Variants in HOMER2 observed in about 807,000 individuals in gnomAD.
HOMER2 encodes the protein homer scaffold protein 2.
Under a neutral mutation model 47.0 loss-of-function variants are expected in HOMER2, and 27 were observed. The ratio of observed to expected loss-of-function variants is 0.57; its 90% CI spans 0.42 to 0.79. The LOEUF (loss-of-function observed/expected upper bound fraction) is 0.79. HOMER2 is among the 30% of genes least tolerant of loss of function. The pLI is 0.00. For synonymous variants in HOMER2, 161 were observed against 163.8 expected (o/e 0.98, Z 0.13); for missense variants, 443 against 435.0 (o/e 1.02, Z -0.16).
At chr15:82,942,050 G>C (rs1214397103) in intron 1 of HOMER2, among the ~76,000 whole-genome samples, 4 of 152,148 alleles carry the variant, frequency 2.6e-5, no homozygotes, top group African/African-American at 9.7e-5. Context: ...TAAATGCCCT[G>C]TTCCTCATTT....
chr15:82,872,763 C>T (rs1362582578), intron 3 of HOMER2, among the ~76,000 whole-genome samples: 2 of 152,232 alleles, frequency 1.3e-5, no homozygotes, highest in Admixed American at 6.5e-5. Flanking sequence ...AAACCCCGAA[C>T]ATCTCATGGT....
At chr15:82,916,193 T>C (rs533947438) in intron 1 of HOMER2, among the ~76,000 whole-genome samples, 2 of 152,242 alleles carry the variant, frequency 1.3e-5, no homozygotes, top group East Asian at 3.9e-4. Flanking sequence ...ATTCCAAAAA[T>C]ATTCAGCCAA....
intron 1 of HOMER2, among the ~76,000 whole-genome samples, chr15:82,974,015 T>G (rs1027292555): frequency 6.6e-6 from 1 of 151,182 alleles, no homozygotes; most frequent in Admixed American, 6.6e-5. Flanking sequence ...CGAGGGTCAC[T>G]TGAACCCAGG....
At chr15:82,942,603 G>C (rs2054288508) in intron 1 of HOMER2, among the ~76,000 whole-genome samples, 1 of 152,194 alleles carries the variant, frequency 6.6e-6, no homozygotes, top group Admixed American at 6.5e-5. Flanking sequence ...ACTGCTGAAT[G>C]AATGAGCGAA....
chr15:82,875,916 G>A (rs969450836), intron 2 of HOMER2, among the ~76,000 whole-genome samples: 2 of 152,192 alleles, frequency 1.3e-5, no homozygotes, highest in African/African-American at 4.8e-5. Flanking sequence ...TTTGTGGAGG[G>A]TTAATTGACA....
At chr15:82,951,441 G>A (rs1434180750) in intron 1 of HOMER2, among the ~76,000 whole-genome samples, 1 of 152,170 alleles carries the variant, frequency 6.6e-6, no homozygotes. Flanking sequence ...CACTGACCCA[G>A]GGGGGCTGAG....
intron 4 of HOMER2, among the ~76,000 whole-genome samples, chr15:82,860,949 T>G (rs369651446): frequency 1.3e-3 from 90 of 71,116 alleles, no homozygotes; most frequent in Middle Eastern, 5.3e-3. Context: ...AGATAGAAGA[T>G]AGAAGATGAG....
At chr15:82,881,610 G>A (rs1422348745) in intron 2 of HOMER2, among the ~76,000 whole-genome samples, 2 of 152,200 alleles carry the variant, frequency 1.3e-5, no homozygotes, top group African/African-American at 4.8e-5. Context: ...TTAACAGAAG[G>A]TGCTCTGTAT....
At chr15:82,969,653 C>G (rs543411870) in intron 1 of HOMER2, among the ~76,000 whole-genome samples, 1 of 152,054 alleles carries the variant, frequency 6.6e-6, no homozygotes, top group South Asian at 2.1e-4. Flanking sequence ...CTTAAAGAGA[C>G]GAAGAGACAT....
At chr15:82,979,153 G>A (rs1321206230) in intron 1 of HOMER2, among the ~76,000 whole-genome samples, 13 of 152,274 alleles carry the variant, frequency 8.5e-5, no homozygotes, top group African/African-American at 2.2e-4. Context: ...CTCCCCAGCC[G>A]TGCTGCACTG....
At position 82,855,786 on chromosome 15, in the gene HOMER2, T is replaced by G. The variant is rs1023729504; in HGVS notation, c.495-986A>C. On this transcript the variant is annotated intron_variant, in intron 5 of 8. Transcript: ENST00000450735. ...GCTGTCACCACAAAGGCCTCATGTT[T>G]CATCTGATTCTACATGCTTGGTGAG... Among the ~76,000 whole-genome samples, 3 of 152,222 alleles carry G rather than the reference T, an allele frequency of 2.0e-5. No individual in the cohort carries two copies. In the East Asian group the frequency reaches 5.8e-4, roughly 29 times the overall value.
intron 1 of HOMER2, among the ~76,000 whole-genome samples, chr15:82,971,984 T>G (rs2030005417): frequency 6.6e-6 from 1 of 152,214 alleles, no homozygotes; most frequent in Non-Finnish European, 1.5e-5. Flanking sequence ...TTCAACCAAG[T>G]GCTTCAAGGT....
upstream of HOMER2, chr15:82,985,972 CA>C (rs1215900124): frequency 4.5e-6 from 3 of 668,452 alleles, no homozygotes; most frequent in Non-Finnish European, 5.6e-6. Flanking sequence ...CACCTGCTCC[CA>C]ATCAAAGGAG....
chr15:82,986,017 C>T (rs1567083182), upstream of HOMER2: 3 of 976,326 alleles, frequency 3.1e-6, no homozygotes, highest in Non-Finnish European at 2.4e-6. Flanking sequence ...ACTGCCCAGC[C>T]ACCAGGCAGG....
At chr15:82,876,591 A>G (rs1465025619) in intron 2 of HOMER2, among the ~76,000 whole-genome samples, 1 of 152,252 alleles carries the variant, frequency 6.6e-6, no homozygotes, top group Non-Finnish European at 1.5e-5. Flanking sequence ...ATGTAAGGGC[A>G]GGGTAGCAAT....
Position 82,849,502 on chromosome 15 carries a change from G to C in HOMER2, c.*213C>G. 1.8e-6 allele frequency: 1 copy of C among 566,856 alleles called. No homozygotes were observed. Among genetic ancestry groups the C allele is most frequent in the African/African-American group, 1.9e-5 (1 of 53,576 alleles). 35.1% of individuals were successfully genotyped at this position (566,856 alleles called of 1,614,324 possible). On this transcript the variant is annotated 3_prime_UTR_variant, in exon 9 of 9. Transcript: ENST00000450735. The stretch of plus-strand genomic sequence containing the variant: ...GACCTAGTTCTGGATTCCTGAGTCA[G>C]AATCTTCCAGTTGTCCACAACCTCA...
chr15:82,870,360 G>T (rs1392442789), intron 3 of HOMER2, among the ~76,000 whole-genome samples: 1 of 152,152 alleles, frequency 6.6e-6, no homozygotes, highest in Non-Finnish European at 1.5e-5. Flanking sequence ...TGCCAGGGGG[G>T]TTGCTGTGGT....
chr15:82,915,046 G>C (rs1051989876), intron 1 of HOMER2, among the ~76,000 whole-genome samples: 2 of 151,912 alleles, frequency 1.3e-5, no homozygotes, highest in Non-Finnish European at 2.9e-5. Context: ...GATGGTGTGT[G>C]CCTGTAGTCC....
At chr15:82,914,778 C>T (rs942168073) in intron 1 of HOMER2, among the ~76,000 whole-genome samples, 1 of 152,152 alleles carries the variant, frequency 6.6e-6, no homozygotes, top group African/African-American at 2.4e-5. Flanking sequence ...TCGGGGATGG[C>T]TTCACAGAGA....
Sources: gnomAD v4.1 joint callset for allele counts (sites outside exome capture counted in the v4.1 genomes callset) on GRCh38, gnomAD v4.1.1 for gene constraint, MANE v1.5 for transcripts, NCBI Gene and HGNC (gene_info 2026-07-23, HGNC 2026-07-21) for gene names.